The following RBFOX1 variants were observed in gnomAD, a reference collection of about 807,000 sequenced individuals.
RBFOX1 encodes the protein RNA binding protein fox-1 homolog 1.
RBFOX1 carries 8 observed loss-of-function variants against 57.7 expected under a neutral mutation model. That is an observed-to-expected ratio of 0.14 (90% CI 0.08 to 0.25). RBFOX1 has a LOEUF of 0.25. Ranked by LOEUF, RBFOX1 falls within the 10% of genes least tolerant of loss-of-function variation. The pLI is 1.00. For synonymous variants in RBFOX1, 326 were observed against 222.4 expected, an observed-to-expected ratio of 1.47 and a Z score of -4.15; for missense variants, 611 against 548.5, an observed-to-expected ratio of 1.11 and a Z score of -1.14.
At chr16:7,663,570 A>T (rs1368669894) in intron 12 of RBFOX1, among the ~76,000 whole-genome samples, 1 of 151,856 alleles carries the variant, frequency 6.6e-6, no homozygotes, top group East Asian at 1.9e-4. Context: ...TGCTTTGCTT[A>T]CATGTGGGTT....
chr16:6,573,187 G>T (rs950644315), intron 2 of RBFOX1, among the ~76,000 whole-genome samples: 1 of 152,160 alleles, frequency 6.6e-6, no homozygotes, highest in Non-Finnish European at 1.5e-5. Flanking sequence ...TCTATGTGAA[G>T]GGAAACAGTG....
At chr16:7,046,334 G>T (rs1199981771) in intron 3 of RBFOX1, among the ~76,000 whole-genome samples, 1 of 151,866 alleles carries the variant, frequency 6.6e-6, no homozygotes, top group Non-Finnish European at 1.5e-5. Context: ...CTTAAAGGTT[G>T]TGTTATAGGG....
chr16:5,638,170 G>T (rs139403981), intron 3 of RBFOX1, among the ~76,000 whole-genome samples: 8 of 152,188 alleles, frequency 5.3e-5, no homozygotes, highest in African/African-American at 1.9e-4. Flanking sequence ...CCCTGTGGAG[G>T]GGGTGCAGTG....
chr16:7,704,169 T>C (rs1398498783), intron 14 of RBFOX1, among the ~76,000 whole-genome samples: 1 of 152,212 alleles, frequency 6.6e-6, no homozygotes, highest in Non-Finnish European at 1.5e-5. Context: ...TGGATCTTTT[T>C]GCCCCAAGTC....
intron 3 of RBFOX1, among the ~76,000 whole-genome samples, chr16:6,850,658 C>T (rs1431190829): frequency 6.6e-6 from 1 of 152,158 alleles, no homozygotes; most frequent in African/African-American, 2.4e-5. Context: ...TTTCTACCTT[C>T]TTTCATTTTA....
At position 6,385,086 on chromosome 16, in the gene RBFOX1, GACTCTCATTC is replaced by G. The variant is rs1217159236; in HGVS notation, c.-64+68035_-64+68044del. On this transcript the variant is annotated intron_variant, in intron 2 of 15. Transcript: ENST00000550418. Reference sequence around the variant, plus strand: ...TCTTCCAAAGCTTTTCAAACTCTCAGACTCTCATTCACTCTAAAATATTTACAGATTAACC... The same window carrying G: ...TCTTCCAAAGCTTTTCAAACTCTCAGACTCTAAAATATTTACAGATTAACC... Among the ~76,000 whole-genome samples the G allele has an allele frequency of 2.0e-5, 3 of 152,160 alleles. No individual in the cohort carries two copies. The East Asian group carries it at 5.8e-4, about 29-fold the overall frequency.
At chr16:6,767,376 C>A (rs554984433) in intron 3 of RBFOX1, among the ~76,000 whole-genome samples, 1 of 152,082 alleles carries the variant, frequency 6.6e-6, no homozygotes, top group African/African-American at 2.4e-5. Context: ...TGGCCAACCT[C>A]CTAGAAAGAC....
intron 1 of RBFOX1, among the ~76,000 whole-genome samples, chr16:6,180,664 C>G (rs2097055869): frequency 6.6e-6 from 1 of 152,010 alleles, no homozygotes; most frequent in African/African-American, 2.4e-5. Context: ...CTCCTGGGTT[C>G]AAGTGATTCT....
intron 4 of RBFOX1, among the ~76,000 whole-genome samples, chr16:7,280,796 C>G (rs566414411): frequency 1.3e-5 from 2 of 152,202 alleles, no homozygotes; most frequent in East Asian, 3.9e-4. Flanking sequence ...ACACCCTTTC[C>G]TCTGGGAGTC....
chr16:5,837,123 C>T (rs1363935017), intron 3 of RBFOX1, among the ~76,000 whole-genome samples: 1 of 152,118 alleles, frequency 6.6e-6, no homozygotes, highest in African/African-American at 2.4e-5. Flanking sequence ...AACCCTCAGT[C>T]TCTCCTGCTT....
At chr16:6,343,880 C>T (rs575740023) in intron 2 of RBFOX1, among the ~76,000 whole-genome samples, 1 of 152,218 alleles carries the variant, frequency 6.6e-6, no homozygotes, top group Non-Finnish European at 1.5e-5. Context: ...AATCACCATC[C>T]CCTGAGAATT....
At chr16:6,586,283 C>A (rs1386834140) in intron 2 of RBFOX1, among the ~76,000 whole-genome samples, 1 of 152,182 alleles carries the variant, frequency 6.6e-6, no homozygotes, top group East Asian at 1.9e-4. Flanking sequence ...CTTACAACCT[C>A]AGTGTATTCT....
At chr16:5,721,792 C>A (rs2051945397) in intron 3 of RBFOX1, among the ~76,000 whole-genome samples, 1 of 152,214 alleles carries the variant, frequency 6.6e-6, no homozygotes, top group Non-Finnish European at 1.5e-5. Context: ...TAACCTGTCA[C>A]AACCCTGCCT....
chr16:5,474,002 A>G (rs62016432), intron 2 of RBFOX1, among the ~76,000 whole-genome samples: 8,502 of 152,046 alleles, frequency 0.056, 335 homozygotes, highest in Non-Finnish European at 0.08. Context: ...GGATAGGTGG[A>G]TGGATGGATG....
intron 3 of RBFOX1, among the ~76,000 whole-genome samples, chr16:6,853,963 A>T (rs1176242078): frequency 6.6e-6 from 1 of 152,172 alleles, no homozygotes. Flanking sequence ...TTATTTTTTC[A>T]GACAGTCATC....
intron 3 of RBFOX1, among the ~76,000 whole-genome samples, chr16:6,977,412 CA>C (rs1179566759): frequency 1.3e-5 from 2 of 152,136 alleles, no homozygotes; most frequent in Non-Finnish European, 2.9e-5. Context: ...TTCTGTTTAG[CA>C]AACATTATTT....
At chr16:7,460,890 A>C (rs1009560871) in intron 4 of RBFOX1, among the ~76,000 whole-genome samples, 2 of 152,174 alleles carry the variant, frequency 1.3e-5, no homozygotes, top group African/African-American at 2.4e-5. Flanking sequence ...AAGTTTTACA[A>C]GTTCCCTAGT....
intron 3 of RBFOX1, among the ~76,000 whole-genome samples, chr16:5,703,335 C>T (rs946494925): frequency 2.6e-5 from 4 of 152,076 alleles, no homozygotes; most frequent in African/African-American, 7.2e-5. Context: ...ATTGGCCATG[C>T]AAAGAGGGCA....
In RBFOX1 at chr16:7,299,996, A is replaced by G. The variant is rs189183860; in HGVS notation, c.28-218151A>G. On this transcript the variant is annotated intron_variant, in intron 4 of 15. Coordinates refer to ENST00000550418, the MANE Select transcript of RBFOX1 (RefSeq NM_018723.4). ...TATTAAACAAATGTGAGGCTTATGC[A>G]ATAAGATTGGAAGGAGCGGGATGCA... 3.9e-5 allele frequency among the ~76,000 whole-genome samples: 6 copies of G among 152,344 alleles called. No individual in the cohort carries two copies. In the East Asian group the frequency reaches 1.2e-3, roughly 29 times the overall value.
Sources: gnomAD v4.1 joint callset for allele counts (sites outside exome capture counted in the v4.1 genomes callset) on GRCh38, gnomAD v4.1.1 for gene constraint, MANE v1.5 for transcripts, NCBI Gene and HGNC (gene_info 2026-07-23, HGNC 2026-07-21) for gene names.